TNRC6B: variants seen among roughly 807,000 people sequenced by gnomAD.
TNRC6B encodes the protein trinucleotide repeat containing adaptor 6B.
In TNRC6B, 52 loss-of-function variants were observed where a neutral mutation model predicts 203.6. That is an observed-to-expected ratio of 0.26 (90% CI 0.20 to 0.32). The LOEUF is 0.32. Among genes scored for constraint, TNRC6B ranks in the 10% least tolerant of loss-of-function variants. TNRC6B has a pLI of 1.00. For synonymous variants in TNRC6B, 838 were observed against 845.7 expected, an observed-to-expected ratio of 0.99 and a Z score of 0.16; for missense variants, 1,923 against 2,286.2, an observed-to-expected ratio of 0.84 and a Z score of 3.24.
chr22:40,170,270 C>T (rs1601855692), intron 4 of TNRC6B, among the ~76,000 whole-genome samples: 1 of 136,498 alleles, frequency 7.3e-6, no homozygotes, highest in African/African-American at 2.8e-5. Context: ...AGGGCGAAAC[C>T]CTATCTCAAG....
intron 3 of TNRC6B, among the ~76,000 whole-genome samples, chr22:40,154,981 T>G (rs189692578): frequency 6.8e-6 from 1 of 147,366 alleles, no homozygotes; most frequent in Admixed American, 6.9e-5. Context: ...TACATATGCA[T>G]TCTTTTGTGA....
At position 40,315,268 on chromosome 22, in the gene TNRC6B, TTTCTC is replaced by T; in HGVS notation, c.4679-10_4679-6del. 2 of 1,610,082 alleles carry T rather than the reference TTTCTC, an allele frequency of 1.2e-6. No individual in the cohort carries two copies. The highest frequency in any genetic ancestry group is 1.1e-5 in the South Asian group (1 of 90,982). Reference sequence around the variant, plus strand: ...CGTCTAACCTTATTCCTTCCTTAATTTTCTCTTCTTACAGCAAAGTTCCCTGATTA... The same window carrying T: ...CGTCTAACCTTATTCCTTCCTTAATTTTCTTACAGCAAAGTTCCCTGATTA... On this transcript the variant is annotated splice_polypyrimidine_tract_variant and intron_variant, in intron 19 of 22. Transcript: ENST00000454349.
intron 1 of TNRC6B, among the ~76,000 whole-genome samples, chr22:40,045,169 G>A (rs936216204): frequency 7.4e-4 from 108 of 145,380 alleles, no homozygotes; most frequent in African/African-American, 2.5e-3. Flanking sequence ...CGCGTGGGGC[G>A]GGGAGCGGGC....
intron 4 of TNRC6B, among the ~76,000 whole-genome samples, chr22:40,162,574 A>G (rs1430688484): frequency 1.3e-5 from 2 of 152,174 alleles, no homozygotes; most frequent in Admixed American, 1.3e-4. Flanking sequence ...TCAGAACACA[A>G]ATGTTGGTAT....
At chr22:40,060,337 C>A (rs2067839472) in intron 1 of TNRC6B, among the ~76,000 whole-genome samples, 1 of 152,058 alleles carries the variant, frequency 6.6e-6, no homozygotes, top group African/African-American at 2.4e-5. Context: ...TGCCACCACA[C>A]CCGGCTAATT....
intron 2 of TNRC6B, among the ~76,000 whole-genome samples, chr22:40,124,930 T>G (rs1241289547): frequency 6.6e-6 from 1 of 151,896 alleles, no homozygotes; most frequent in African/African-American, 2.4e-5. Context: ...GGAGCATCGC[T>G]TGAACCCAGG....
intron 16 of TNRC6B, 126 bp from the exon 17 acceptor site, chr22:40,310,691 A>T (rs1448498270): frequency 1.1e-6 from 1 of 950,164 alleles, no homozygotes; most frequent in Non-Finnish European, 1.5e-6. Context: ...GCAACCTCTT[A>T]TTCCAGTGCT....
At chr22:40,053,683 C>T (rs2067769828) in intron 1 of TNRC6B, among the ~76,000 whole-genome samples, 2 of 152,306 alleles carry the variant, frequency 1.3e-5, no homozygotes, top group Admixed American at 1.3e-4. Context: ...ACATACTGTA[C>T]TGTGTCTGTC....
At chr22:40,311,795 G>A (rs1037054601) in intron 17 of TNRC6B, among the ~76,000 whole-genome samples, 10 of 152,088 alleles carry the variant, frequency 6.6e-5, no homozygotes, top group Non-Finnish European at 1.0e-4. Context: ...TGCCCGCCTC[G>A]GCCTCCCAAA....
chr22:40,193,484 A>T (rs1018340634), intron 1 of TNRC6B, among the ~76,000 whole-genome samples: 1 of 152,206 alleles, frequency 6.6e-6, no homozygotes, highest in Non-Finnish European at 1.5e-5. Flanking sequence ...AAGCACAAAT[A>T]GGAAGGAGCT....
In TNRC6B at chr22:40,270,252, C is replaced by T. The variant is rs751093557; in HGVS notation, c.2937C>T (p.Pro979=). The part of the protein sequence containing the change: ...GASTTGWGNT[P]ANAPNAMKPN... ...CGACCACAGGCTGGGGGAACACGCCCGCCAACGCTCCCAATGCCATGAAGC... is the reference window on the plus strand; with the variant it reads ...CGACCACAGGCTGGGGGAACACGCCTGCCAACGCTCCCAATGCCATGAAGC... The change falls in exon 6 of 23, where the codon CCC becomes CCT. Residue 979 remains proline, a synonymous_variant. Transcript: ENST00000454349. The T allele has an allele frequency of 3.9e-5, 57 of 1,478,958 alleles. No homozygotes were observed. In the Admixed American group the frequency reaches 5.8e-4, roughly 15 times the overall value. The allele number at this position is 1,478,958 out of a possible 1,614,324, so 91.6% of individuals were successfully genotyped here.
chr22:40,069,412 T>C (rs2067927721), intron 1 of TNRC6B, among the ~76,000 whole-genome samples: 1 of 151,724 alleles, frequency 6.6e-6, no homozygotes, highest in African/African-American at 2.4e-5. Flanking sequence ...GGCCTAAAAG[T>C]TGTTTTAAGG....
chr22:40,104,614 A>G (rs868714831), intron 1 of TNRC6B, among the ~76,000 whole-genome samples: 1 of 152,214 alleles, frequency 6.6e-6, no homozygotes, highest in Middle Eastern at 3.2e-3. Context: ...TTAACTGTCC[A>G]TAAAGGCTGT....
intron 3 of TNRC6B, chr22:40,156,089 C>T: frequency 4.5e-6 from 7 of 1,562,632 alleles, no homozygotes; most frequent in Non-Finnish European, 6.1e-6. Flanking sequence ...CTGACTGCTG[C>T]TGACCTGTGG....
intron 4 of TNRC6B, among the ~76,000 whole-genome samples, chr22:40,262,537 G>T (rs186445605): frequency 6.6e-6 from 1 of 152,168 alleles, no homozygotes. Context: ...TTAGATGCCT[G>T]TGTTATGTTT....
At chr22:40,186,650 A>G (rs756050675) in intron 1 of TNRC6B, among the ~76,000 whole-genome samples, 77 of 151,382 alleles carry the variant, frequency 5.1e-4, no homozygotes, top group Non-Finnish European at 1.0e-3. Flanking sequence ...ATGCAGGAGA[A>G]TTGCTTGAAC....
intron 3 of TNRC6B, among the ~76,000 whole-genome samples, chr22:40,144,543 C>T (rs1051321335): frequency 4.6e-5 from 7 of 151,840 alleles, no homozygotes; most frequent in African/African-American, 7.3e-5. Flanking sequence ...GGCGTGGTGG[C>T]GGGCACCTGT....
intron 15 of TNRC6B, among the ~76,000 whole-genome samples, chr22:40,302,783 TTCTTGA>T (rs2071040581): frequency 6.6e-6 from 1 of 152,192 alleles, no homozygotes; most frequent in Non-Finnish European, 1.5e-5. Context: ...CTTCAAGGTG[TTCTTGA>T]TCTTGATCTG....
At chr22:40,055,244 A>C (rs1167489937) in intron 1 of TNRC6B, among the ~76,000 whole-genome samples, 1 of 152,176 alleles carries the variant, frequency 6.6e-6, no homozygotes, top group Non-Finnish European at 1.5e-5. Context: ...AAGTGCTGTA[A>C]TAGACAGTAC....
Sources: allele counts gnomAD v4.1 joint callset (sites outside exome capture counted in the v4.1 genomes callset), GRCh38; gene constraint gnomAD v4.1.1; transcripts MANE v1.5; gene names NCBI Gene and HGNC (gene_info 2026-07-23, HGNC 2026-07-21).